IL5RA: variants seen among roughly 807,000 people sequenced by gnomAD.
IL5RA encodes interleukin-5 receptor subunit alpha.
In IL5RA, 49 loss-of-function variants were observed where a neutral mutation model predicts 50.0. The observed-to-expected ratio is 0.98, with a 90% CI of 0.78 to 1.24. The LOEUF (loss-of-function observed/expected upper bound fraction) is 1.24, where lower values mean the gene tolerates loss of function less well. Ranked by LOEUF, IL5RA falls within the 50% of genes most tolerant of loss-of-function variation. The pLI, the probability that IL5RA is intolerant of heterozygous loss-of-function variation, is 0.00. For missense variants in IL5RA, 600 were observed against 500.4 expected (o/e 1.20, Z -1.90); for synonymous variants, 202 against 174.0 (o/e 1.16, Z -1.26).
chr3:3,096,547 T>C (rs953148300), intron 7 of IL5RA, among the ~76,000 whole-genome samples: 4 of 152,186 alleles, frequency 2.6e-5, no homozygotes, highest in African/African-American at 9.7e-5. Flanking sequence ...AAAGTACTTA[T>C]TTATTTTAGT....
chr3:3,098,242 G>T lies in IL5RA; in HGVS notation c.416C>A (p.Thr139Lys). The change falls in exon 6 of 12, where the codon ACA becomes AAA. Residue 139 changes from threonine (T) to lysine (K), a missense_variant. Transcript: ENST00000446632. ...CCTTAAACGTGAATAATTGTCTTCT[G>T]TAGTGTTTGTGGTGCAAGTTAAATT... is the stretch of plus-strand genomic sequence containing the variant. Reference protein sequence around the residue: ...IVNLTCTTNTTEDNYSRLRSY... With the variant: ...IVNLTCTTNTKEDNYSRLRSY... 6.2e-7 allele frequency: 1 copy of T among 1,614,006 alleles called. No homozygotes were observed. Among genetic ancestry groups the T allele is most frequent in the South Asian group, 1.1e-5 (1 of 91,074 alleles).
At chr3:3,102,316 C>G (rs1217660336) in intron 4 of IL5RA, among the ~76,000 whole-genome samples, 3 of 152,190 alleles carry the variant, frequency 2.0e-5, no homozygotes, top group African/African-American at 7.2e-5. Context: ...TTCCCTGACT[C>G]TCCACTCTGC....
intron 3 of IL5RA, 105 bp from the exon 4 acceptor site, chr3:3,102,925 C>T (rs1311230662): frequency 1.2e-6 from 1 of 829,434 alleles, no homozygotes; most frequent in East Asian, 2.9e-5. Flanking sequence ...TGTCCTGGAC[C>T]TGCCAGCACC....
At chr3:3,076,398 G>T (rs2125954028) in intron 10 of IL5RA, 133 bp downstream of exon 10, 1 of 632,924 alleles carries the variant, frequency 1.6e-6, no homozygotes, top group South Asian at 2.0e-5. Context: ...ATCTTGGACA[G>T]GTCATCTAGG....
At chr3:3,080,345 G>A (rs1702621735) in intron 9 of IL5RA, among the ~76,000 whole-genome samples, 1 of 152,190 alleles carries the variant, frequency 6.6e-6, no homozygotes, top group South Asian at 2.1e-4. Flanking sequence ...AGGCCACACA[G>A]CTAGGAAGTG....
chr3:3,108,056 G>T (rs953581821), intron 2 of IL5RA, among the ~76,000 whole-genome samples: 10 of 152,124 alleles, frequency 6.6e-5, no homozygotes, highest in Admixed American at 6.5e-4. Context: ...CAACCTTAGT[G>T]GCAGAAATTG....
At chr3:3,081,006 A>G (rs778438460) in intron 9 of IL5RA, among the ~76,000 whole-genome samples, 3 of 152,166 alleles carry the variant, frequency 2.0e-5, no homozygotes, top group African/African-American at 7.2e-5. Flanking sequence ...CTATGGCTAT[A>G]GTATTTTTTT....
chr3:3,102,037 T>C (rs1174064576), intron 4 of IL5RA, among the ~76,000 whole-genome samples: 2 of 152,220 alleles, frequency 1.3e-5, no homozygotes, highest in African/African-American at 4.8e-5. Flanking sequence ...TTCTTGTAAA[T>C]ACAAGCGAAA....
intron 8 of IL5RA, 46 bp downstream of exon 8, chr3:3,095,253 A>G (rs371816440): frequency 6.8e-6 from 10 of 1,472,862 alleles, no homozygotes; most frequent in South Asian, 4.8e-5. Context: ...AAATGTTTCT[A>G]AAACAAATGT....
rs1202870491 is a variant in IL5RA, at chr3:3,068,400, C to T, written c.*1825G>A. 1 of 150,718 alleles carries T rather than the reference C, an allele frequency of 6.6e-6. No homozygotes were observed. The highest frequency in any genetic ancestry group is 2.5e-5 in the African/African-American group (1 of 40,534). The allele number at this position is 150,718 out of a possible 1,614,324, so 9.3% of individuals were successfully genotyped here. On this transcript the variant is annotated 3_prime_UTR_variant, in exon 12 of 12. Transcript: ENST00000446632. ...GAACCTAGACAGCATGGCAAAACCC[C>T]AGCTTTACAAAAAAAAATACAAAAA...
chr3:3,104,819 G>A lies in IL5RA; in HGVS notation c.82+84C>T, dbSNP rs898552328. ...AAAATCCATATATAATGTTCTAATC[G>A]ACAGTTTAAGAGGAAATAATGTTAT... On this transcript the variant is annotated intron_variant, in intron 3 of 11. Coordinates refer to ENST00000446632, the MANE Select transcript of IL5RA (RefSeq NM_175726.4). The A allele has an allele frequency of 3.9e-5, 31 of 790,650 alleles. No homozygotes were observed. The South Asian group carries it at 4.1e-4, about 10-fold the overall frequency. The allele number at this position is 790,650 out of a possible 1,614,324, so 49.0% of individuals were successfully genotyped here. A position where few individuals can be genotyped will look rare whatever the true frequency, so the allele number is the denominator to read the frequency against.
chr3:3,066,642 G>C lies in IL5RA; in HGVS notation c.*3583C>G, dbSNP rs867198226. 6.6e-6 allele frequency: 1 copy of C among 152,246 alleles called. No individual in the cohort carries two copies. Among genetic ancestry groups the C allele is most frequent in the Middle Eastern group, 3.4e-3 (1 of 294 alleles). 9.4% of individuals were successfully genotyped at this position (152,246 alleles called of 1,614,324 possible). A position where few individuals can be genotyped will look rare whatever the true frequency, so the allele number is the denominator to read the frequency against. On this transcript the variant is annotated 3_prime_UTR_variant, in exon 12 of 12. Coordinates refer to ENST00000446632, the MANE Select transcript of IL5RA (RefSeq NM_175726.4). ...TTTCTTTAACAAATTAGCACCTCAG[G>C]CTTCTTAATTCCACCAGCAGATGGT...
At chr3:3,096,863 C>A (rs1008509145) in intron 7 of IL5RA, among the ~76,000 whole-genome samples, 2 of 152,154 alleles carry the variant, frequency 1.3e-5, no homozygotes, top group Non-Finnish European at 2.9e-5. Context: ...ATTTATTAAA[C>A]CTTTATGCCA....
chr3:3,090,788 T>C (rs1036499820), intron 9 of IL5RA, among the ~76,000 whole-genome samples: 1 of 151,980 alleles, frequency 6.6e-6, no homozygotes, highest in Non-Finnish European at 1.5e-5. Context: ...TTACCGAGGA[T>C]GGTCTCGATC....
At chr3:3,096,289 A>AAGAAG (rs1553752104) in intron 7 of IL5RA, among the ~76,000 whole-genome samples, 4 of 141,340 alleles carry the variant, frequency 2.8e-5, no homozygotes, top group African/African-American at 5.3e-5. Context: ...AAAAAAAAAA[A>AAGAAG]AAGAAGAAGA....
intron 9 of IL5RA, among the ~76,000 whole-genome samples, chr3:3,084,114 C>CG (rs1226967348): frequency 6.6e-6 from 1 of 151,294 alleles, no homozygotes; most frequent in African/African-American, 2.4e-5. Context: ...AAGTGACCTT[C>CG]GGCAGGGTAG....
chr3:3,098,384 T>TCA, intron 5 of IL5RA, 94 bp from the exon 6 acceptor site: 1 of 1,066,084 alleles, frequency 9.4e-7, no homozygotes, highest in Non-Finnish European at 1.4e-6. Flanking sequence ...AACGTCGTAT[T>TCA]CATCACCAAA....
At chr3:3,090,551 T>C (rs1703044484) in intron 9 of IL5RA, among the ~76,000 whole-genome samples, 1 of 150,768 alleles carries the variant, frequency 6.6e-6, no homozygotes, top group South Asian at 2.1e-4. Flanking sequence ...ATTTTCTTTT[T>C]TTTTTTTTTC....
At chr3:3,097,568 C>CT (rs1356542545) in intron 7 of IL5RA, among the ~76,000 whole-genome samples, 3 of 151,984 alleles carry the variant, frequency 2.0e-5, no homozygotes, top group Non-Finnish European at 4.4e-5. Context: ...AAGTCTGAGA[C>CT]TTTTTTAAAA....
Sources: gnomAD v4.1 joint callset for allele counts (sites outside exome capture counted in the v4.1 genomes callset) on GRCh38, gnomAD v4.1.1 for gene constraint, MANE v1.5 for transcripts, NCBI Gene and HGNC (gene_info 2026-07-23, HGNC 2026-07-21) for gene names.